The following LRRC56 variants were observed in gnomAD, a reference collection of about 807,000 sequenced individuals.
The protein encoded by LRRC56 is leucine-rich repeat-containing protein 56.
LRRC56 carries 41 observed loss-of-function variants against 47.8 expected under a neutral mutation model. The observed-to-expected ratio is 0.86, with a 90% CI of 0.67 to 1.11. The LOEUF (loss-of-function observed/expected upper bound fraction) is 1.11. Among genes scored for constraint, LRRC56 ranks in the 50% most tolerant of loss-of-function variants. The pLI, the probability that LRRC56 is intolerant of heterozygous loss-of-function variation, is 0.00. For missense variants in LRRC56, 759 were observed against 704.2 expected, an observed-to-expected ratio of 1.08 and a Z score of -0.88; for synonymous variants, 387 against 311.2, an observed-to-expected ratio of 1.24 and a Z score of -2.56.
upstream of LRRC56, chr11:535,436 CCCGGGGCCAGGG>C (rs974344651): frequency 4.1e-5 from 6 of 145,670 alleles, no homozygotes; most frequent in South Asian, 1.8e-4. Context: ...CGCGACTGCC[CCCGGGGCCAGGG>C]CCGGGGCCGA....
chr11:541,719 A>G lies in LRRC56; in HGVS notation c.265+95A>G. ...TGGTTATGACGACAAAGCTGTCCTCACCTCTCGGGCCGCGTATCGGCTTCC... is the reference window on the plus strand; with the variant it reads ...TGGTTATGACGACAAAGCTGTCCTCGCCTCTCGGGCCGCGTATCGGCTTCC... On this transcript the variant is annotated intron_variant, in intron 5 of 13. Transcript: ENST00000270115. This position sits in a 1 kb window ranked among gnomAD's most constrained non-coding sequence, Gnocchi z 4.1. 2.6e-6 allele frequency: 2 copies of G among 765,982 alleles called. No homozygotes were observed. The highest frequency in any genetic ancestry group is 4.0e-6 in the Non-Finnish European group (2 of 494,156). The allele number at this position is 765,982 out of a possible 1,614,324, so 47.4% of individuals were successfully genotyped here.
upstream of LRRC56, chr11:534,033 C>T: frequency 3.6e-6 from 5 of 1,396,526 alleles, no homozygotes; most frequent in South Asian, 1.1e-5. Flanking sequence ...CTCTCATGCC[C>T]CTCATGCCCC....
chr11:549,129 G>T (rs1852238147), intron 6 of LRRC56, among the ~76,000 whole-genome samples: 1 of 152,174 alleles, frequency 6.6e-6, no homozygotes, highest in Non-Finnish European at 1.5e-5. Context: ...TGAAGCCCAG[G>T]TGAGTCACAG....
rs969679226 is a variant in LRRC56 at position 549,263 on chromosome 11, A to G, written c.327-639A>G. On this transcript the variant is annotated intron_variant, in intron 6 of 13. Transcript: ENST00000270115. ...GTGGCCCTTTCACAAGGAGAGGTGC[A>G]GAGATGGCGTAGCAGCGCTGAAGGG... Among the ~76,000 whole-genome samples, 26 of 152,318 alleles carry G rather than the reference A, an allele frequency of 1.7e-4. 1 individual carries two copies. The highest frequency in any genetic ancestry group is 1.7e-3 in the Admixed American group (26 of 15,306).
the LRRC56 span, among the ~76,000 whole-genome samples, chr11:510,376 C>T: frequency 6.6e-6 from 1 of 151,938 alleles, no homozygotes; most frequent in Admixed American, 6.6e-5. Context: ...CCGAGGCAGG[C>T]GGATCATTTG....
At chr11:552,049 C>G (rs765261083) in intron 11 of LRRC56, 41 bp from the exon 12 acceptor site, 2 of 1,604,596 alleles carry the variant, frequency 1.2e-6, no homozygotes, top group East Asian at 4.5e-5. Flanking sequence ...TGCCGCCATT[C>G]CAGGGCCAGA....
chr11:515,544 TA>T, the LRRC56 span, among the ~76,000 whole-genome samples: 1 of 152,194 alleles, frequency 6.6e-6, no homozygotes, highest in African/African-American at 2.4e-5. Context: ...TTTTGGCTTA[TA>T]ATAAGTTCTG....
At chr11:552,524 G>C (rs371248687) in intron 12 of LRRC56, 45 bp from the exon 13 acceptor site, 2 of 1,534,902 alleles carry the variant, frequency 1.3e-6, no homozygotes, top group Non-Finnish European at 1.8e-6. Flanking sequence ...GTCCTGTCCC[G>C]TGGGGGGATC....
the LRRC56 span, among the ~76,000 whole-genome samples, chr11:512,644 GC>G: frequency 6.6e-6 from 1 of 152,208 alleles, no homozygotes; most frequent in Non-Finnish European, 1.5e-5. Flanking sequence ...CACTCTTCTA[GC>G]CCTCATACTA....
At chr11:525,173 G>A in the LRRC56 span, among the ~76,000 whole-genome samples, 1 of 151,998 alleles carries the variant, frequency 6.6e-6, no homozygotes, top group South Asian at 2.1e-4. Context: ...GGAGGCCGAG[G>A]CGGGCAGATC....
intron 6 of LRRC56, among the ~76,000 whole-genome samples, chr11:545,147 G>C (rs1303996150): frequency 6.6e-6 from 1 of 152,196 alleles, no homozygotes; most frequent in Non-Finnish European, 1.5e-5. Flanking sequence ...TGGAGCTCTT[G>C]TGTCTGCAAT....
At chr11:534,407 A>G (rs1851329549), upstream of LRRC56, 1 of 709,990 alleles carries the variant, frequency 1.4e-6, no homozygotes, top group Non-Finnish European at 2.1e-6. Context: ...AGCCAGGCCC[A>G]GGCCCAGCCC....
chr11:535,306 C>CGCTGCCGCCGCCGCCGCT (rs1007825297), upstream of LRRC56: 1 of 146,208 alleles, frequency 6.8e-6, no homozygotes, highest in Non-Finnish European at 1.5e-5. Flanking sequence ...CCGCCGCCGC[C>CGCTGCCGCCGCCGCCGCT]GCCGCCGCTT....
the LRRC56 span, among the ~76,000 whole-genome samples, chr11:509,858 C>T: frequency 1.3e-5 from 2 of 151,790 alleles, no homozygotes; most frequent in African/African-American, 2.4e-5. Context: ...TTTGAACTTA[C>T]CTGCCTCACC....
At chr11:514,946 G>C in the LRRC56 span, among the ~76,000 whole-genome samples, 2 of 152,206 alleles carry the variant, frequency 1.3e-5, no homozygotes, top group African/African-American at 2.4e-5. Flanking sequence ...AGGCGGTGGA[G>C]CCCTTGGAAC....
chr11:532,091 G>A, the LRRC56 span, among the ~76,000 whole-genome samples: 3 of 152,278 alleles, frequency 2.0e-5, no homozygotes, highest in Non-Finnish European at 4.4e-5. Context: ...CGGGAGGAGA[G>A]AGCACCACAG....
chr11:530,376 C>T, the LRRC56 span, among the ~76,000 whole-genome samples: 1 of 152,210 alleles, frequency 6.6e-6, no homozygotes, highest in Non-Finnish European at 1.5e-5. Context: ...GGAAGTCTAT[C>T]GATGGGGAAG....
At chr11:512,145 C>T in the LRRC56 span, among the ~76,000 whole-genome samples, 3 of 151,956 alleles carry the variant, frequency 2.0e-5, no homozygotes, top group African/African-American at 7.2e-5. Context: ...TGTTTCACCA[C>T]GTTGGACAGG....
the LRRC56 span, chr11:528,625 G>A: frequency 3.3e-5 from 5 of 152,352 alleles, no homozygotes; most frequent in East Asian, 7.7e-4. Flanking sequence ...GGAGAGGGCC[G>A]AGTGTGGTGC....
Sources: allele counts gnomAD v4.1 joint callset (sites outside exome capture counted in the v4.1 genomes callset), GRCh38; gene constraint gnomAD v4.1.1; non-coding constraint Gnocchi (gnomAD v3.1); transcripts MANE v1.5; gene names NCBI Gene and HGNC (gene_info 2026-07-23, HGNC 2026-07-21).